Variants in ARHGEF18 observed in about 807,000 individuals in gnomAD.
ARHGEF18 encodes Rho/Rac guanine nucleotide exchange factor 18.
ARHGEF18 carries 93 observed loss-of-function variants against 155.7 expected under a neutral mutation model. The observed-to-expected ratio is 0.60, with a 90% CI of 0.50 to 0.71. The LOEUF is 0.71. ARHGEF18 is among the 30% of genes least tolerant of loss of function. The pLI, the probability that ARHGEF18 is intolerant of heterozygous loss-of-function variation, is 0.00. For synonymous variants in ARHGEF18, 742 were observed against 753.1 expected (o/e 0.99, Z 0.24); for missense variants, 1,593 against 1,816.1 (o/e 0.88, Z 2.23).
At chr19:7,389,924 G>A (rs1971302597) in intron 10 of ARHGEF18, among the ~76,000 whole-genome samples, 1 of 152,104 alleles carries the variant, frequency 6.6e-6, no homozygotes, top group Admixed American at 6.6e-5. Context: ...ATGTGGGGCC[G>A]GGCGCGGAAG....
intron 25 of ARHGEF18, 41 bp downstream of exon 25, chr19:7,467,159 T>A (rs756023370): frequency 6.3e-6 from 10 of 1,579,316 alleles, no homozygotes; most frequent in Non-Finnish European, 8.6e-6. Flanking sequence ...TGCCCTTTCC[T>A]GGTTGGCTGG....
At chr19:7,474,835 C>T (rs868265130), downstream of ARHGEF18, among the ~76,000 whole-genome samples, 22 of 151,378 alleles carry the variant, frequency 1.5e-4, no homozygotes, top group African/African-American at 4.4e-4. Context: ...GTCCTCTGAC[C>T]TCTGCCTAGC....
rs532060230 is a variant in ARHGEF18 at position 7,466,240 on chromosome 19, A to G, written c.2905-678A>G. ...CTCTACCAAATATACAAAATTAGCC[A>G]GGCGTGGTGGCACATTCGAGTAATC... is the stretch of plus-strand genomic sequence containing the variant. On this transcript the variant is annotated intron_variant, in intron 23 of 28. Coordinates refer to ENST00000668164, the MANE Select transcript of ARHGEF18 (RefSeq NM_001367823.1). Among the ~76,000 whole-genome samples, 665 of 152,008 alleles carry G rather than the reference A, an allele frequency of 4.4e-3. 1 individual carries two copies. The highest frequency in any genetic ancestry group is 0.015 in the African/African-American group (632 of 41,442).
chr19:7,413,269 C>CA lies in ARHGEF18; in HGVS notation c.968-27067dup, dbSNP rs1011166835. Among the ~76,000 whole-genome samples, 35 of 146,530 alleles carry CA rather than the reference C, an allele frequency of 2.4e-4. 1 individual carries two copies. Among genetic ancestry groups the CA allele is most frequent in the South Asian group, 1.5e-3 (7 of 4,638 alleles). On this transcript the variant is annotated intron_variant, in intron 10 of 28. Coordinates refer to ENST00000668164, the MANE Select transcript of ARHGEF18 (RefSeq NM_001367823.1). ...CAACACGGCAAGACCCTGTCTCTAC[C>CA]AAAAAAAACACAAAAAACAAAAAGC...
rs774902086 is a variant in ARHGEF18 at position 7,462,378 on chromosome 19, T to A, written c.2635+44T>A. On this transcript the variant is annotated intron_variant, in intron 21 of 28. Coordinates refer to ENST00000668164, the MANE Select transcript of ARHGEF18 (RefSeq NM_001367823.1). The surrounding 1 kb of genome is among the most constrained non-coding windows in gnomAD (Gnocchi z 4.4). ...CCTCAAGGGTGCAGTCTTGCCGGGG[T>A]GGGCTCCTCAGGGAACCCCAGGCCA... is the stretch of plus-strand genomic sequence containing the variant. 1.8e-5 allele frequency: 27 copies of A among 1,525,386 alleles called. No homozygotes were observed. In the East Asian group the frequency reaches 2.3e-4, roughly 13 times the overall value. The allele number at this position is 1,525,386 out of a possible 1,614,324, so 94.5% of individuals were successfully genotyped here. A position where few individuals can be genotyped will look rare whatever the true frequency, so the allele number is the denominator to read the frequency against.
intron 10 of ARHGEF18, among the ~76,000 whole-genome samples, chr19:7,422,721 T>C (rs911757994): frequency 5.6e-5 from 8 of 142,184 alleles, no homozygotes; most frequent in African/African-American, 2.2e-4. Context: ...CTTTTCTTTT[T>C]TTTTTTTTTT....
At chr19:7,458,157 C>T (rs76053207) in intron 18 of ARHGEF18, among the ~76,000 whole-genome samples, 1,831 of 151,758 alleles carry the variant, frequency 0.012, 33 homozygotes, top group African/African-American at 0.034. Flanking sequence ...CCTGGCGGCA[C>T]GTGCCTATAA....
downstream of ARHGEF18, among the ~76,000 whole-genome samples, chr19:7,475,439 G>T (rs981544692): frequency 3.9e-5 from 6 of 152,128 alleles, no homozygotes; most frequent in Non-Finnish European, 8.8e-5. Context: ...CTGCTTGCAC[G>T]ACTGTGAATG....
chr19:7,440,566 C>G lies in ARHGEF18; in HGVS notation c.1106+84C>G. ...TGACAGCCTCTTCGGAGGGAGACCC[C>G]GACTTAGATCTGTGTGAATCCACAC... On this transcript the variant is annotated intron_variant, in intron 11 of 28. Coordinates refer to ENST00000668164, the MANE Select transcript of ARHGEF18 (RefSeq NM_001367823.1). This position sits in a 1 kb window ranked among gnomAD's most constrained non-coding sequence, Gnocchi z 5.4. 1 of 1,454,770 alleles carries G rather than the reference C, an allele frequency of 6.9e-7. No homozygotes were observed. Among genetic ancestry groups the G allele is most frequent in the Non-Finnish European group, 9.2e-7 (1 of 1,090,046 alleles). 90.1% of individuals were successfully genotyped at this position (1,454,770 alleles called of 1,614,324 possible).
intron 1 of ARHGEF18, among the ~76,000 whole-genome samples, chr19:7,353,598 AAAAAGAAAAAGAAAAG>A (rs929597726): frequency 7.2e-5 from 11 of 151,768 alleles, no homozygotes; most frequent in East Asian, 5.9e-4. Flanking sequence ...CTCAAAAAAA[AAAAAGAAAAAGAAAAG>A]AAAAGAAAAA....
chr19:7,448,003 C>G (rs1328384300), intron 15 of ARHGEF18, among the ~76,000 whole-genome samples: 1 of 152,170 alleles, frequency 6.6e-6, no homozygotes, highest in Non-Finnish European at 1.5e-5. Context: ...CACATATTAA[C>G]AAAATCAATC....
chr19:7,373,961 A>T (rs1457611154), intron 3 of ARHGEF18, among the ~76,000 whole-genome samples: 3 of 149,176 alleles, frequency 2.0e-5, no homozygotes, highest in Non-Finnish European at 4.4e-5. Context: ...GAGTTTTACC[A>T]TGTTGGCCAG....
chr19:7,353,711 C>T (rs866632295), intron 1 of ARHGEF18, among the ~76,000 whole-genome samples: 9 of 150,650 alleles, frequency 6.0e-5, no homozygotes, highest in Non-Finnish European at 1.2e-4. Context: ...CCAGTACTTT[C>T]GGAGGCCGAG....
At chr19:7,420,021 G>GGTGCACCCACACTCAGCCCCCACA (rs1038592671) in intron 10 of ARHGEF18, among the ~76,000 whole-genome samples, 2 of 151,770 alleles carry the variant, frequency 1.3e-5, no homozygotes, top group Admixed American at 1.3e-4. Flanking sequence ...CTGCACCCCA[G>GGTGCACCCACACTCAGCCCCCACA]GTGCACCCAC....
intron 10 of ARHGEF18, among the ~76,000 whole-genome samples, chr19:7,423,087 ACTGT>A (rs756756216): frequency 2.0e-5 from 3 of 152,052 alleles, no homozygotes; most frequent in Non-Finnish European, 2.9e-5. Context: ...GTCATCAGTG[ACTGT>A]CTGGACAGCT....
chr19:7,467,248 C>T lies in ARHGEF18; in HGVS notation c.3044C>T (p.Thr1015Met), dbSNP rs965698468. The T allele has an allele frequency of 9.5e-6, 15 of 1,577,390 alleles. No homozygotes were observed. The highest frequency in any genetic ancestry group is 2.3e-5 in the East Asian group (1 of 43,086). The change falls in exon 26 of 29, where the codon ACG becomes ATG. Residue 1015 changes from threonine (T) to methionine (M), a missense_variant. By Grantham distance (81) the Thr-to-Met change is moderately conservative (BLOSUM62 -1). Transcript: ENST00000668164. ...VIAHQDSYVETQRAAIQEREK... is the reference protein window; with the variant it reads ...VIAHQDSYVEMQRAAIQEREK... Reference sequence around the variant, plus strand: ...GCCCACCAGGACAGCTATGTGGAGACGCAGCGGGCTGCCATCCAGGAGCGG... The same window carrying T: ...GCCCACCAGGACAGCTATGTGGAGATGCAGCGGGCTGCCATCCAGGAGCGG...
At chr19:7,432,673 A>G (rs1373620525) in intron 10 of ARHGEF18, among the ~76,000 whole-genome samples, 2 of 152,104 alleles carry the variant, frequency 1.3e-5, no homozygotes, top group East Asian at 3.9e-4. Flanking sequence ...TTTGCAGAAA[A>G]CTGGAGACTT....
chr19:7,411,768 C>G (rs545022353), intron 10 of ARHGEF18, among the ~76,000 whole-genome samples: 6 of 152,240 alleles, frequency 3.9e-5, no homozygotes, highest in African/African-American at 1.4e-4. Context: ...CTCTCCATCC[C>G]CCTCCCCAGC....
At chr19:7,466,429 C>T (rs1314825142) in intron 23 of ARHGEF18, among the ~76,000 whole-genome samples, 1 of 144,440 alleles carries the variant, frequency 6.9e-6, no homozygotes, top group Non-Finnish European at 1.5e-5. Context: ...TGGTGGTGCA[C>T]ACCTGTAGTC....
Sources: allele counts gnomAD v4.1 joint callset (sites outside exome capture counted in the v4.1 genomes callset), GRCh38; gene constraint gnomAD v4.1.1; non-coding constraint Gnocchi (gnomAD v3.1); transcripts MANE v1.5; gene names NCBI Gene and HGNC (gene_info 2026-07-23, HGNC 2026-07-21).